IGSF21: variants seen among roughly 807,000 people sequenced by gnomAD.
IGSF21 encodes immunoglobin superfamily member 21.
IGSF21 carries 28 observed loss-of-function variants against 46.8 expected under a neutral mutation model. The ratio of observed to expected loss-of-function variants is 0.60; its 90% CI spans 0.44 to 0.82. IGSF21 has a LOEUF of 0.82. Ranked by LOEUF, IGSF21 falls within the 40% of genes least tolerant of loss-of-function variation. IGSF21 has a pLI of 0.00. For missense variants in IGSF21, 624 were observed against 665.5 expected, an observed-to-expected ratio of 0.94 and a Z score of 0.69; for synonymous variants, 284 against 273.6, an observed-to-expected ratio of 1.04 and a Z score of -0.38.
At chr1:18,164,661 T>C (rs1392151691) in intron 1 of IGSF21, among the ~76,000 whole-genome samples, 1 of 152,152 alleles carries the variant, frequency 6.6e-6, no homozygotes, top group African/African-American at 2.4e-5. Flanking sequence ...GGGCAATTTG[T>C]ATTTCTTTCT....
chr1:18,149,564 C>T (rs945226269), intron 1 of IGSF21, among the ~76,000 whole-genome samples: 19 of 151,716 alleles, frequency 1.3e-4, no homozygotes, highest in Admixed American at 1.1e-3. Context: ...TCCCCAGTAC[C>T]GCTCAGCTAA....
chr1:18,321,257 T>C (rs2124594236), intron 3 of IGSF21, among the ~76,000 whole-genome samples: 1 of 152,344 alleles, frequency 6.6e-6, no homozygotes, highest in East Asian at 1.9e-4. Flanking sequence ...TCCATGTTGC[T>C]GTAGAGCCAC....
At chr1:18,247,631 C>T (rs2084798091) in intron 2 of IGSF21, among the ~76,000 whole-genome samples, 1 of 152,112 alleles carries the variant, frequency 6.6e-6, no homozygotes, top group African/African-American at 2.4e-5. Flanking sequence ...TGGGGTATCG[C>T]AGGGAGAAAA....
At position 18,261,646 on chromosome 1, in the gene IGSF21, G is replaced by T. The variant is rs2084947816; in HGVS notation, c.184-30220G>T. Among the ~76,000 whole-genome samples, 3 of 152,350 alleles carry T rather than the reference G, an allele frequency of 2.0e-5. No individual in the cohort carries two copies. The South Asian group carries it at 6.2e-4, about 32-fold the overall frequency. On this transcript the variant is annotated intron_variant, in intron 2 of 9. Coordinates refer to ENST00000251296, the MANE Select transcript of IGSF21 (RefSeq NM_032880.5). ...CTGCCTGTGGGGTAGCCCTGCCTGT[G>T]AGGTCTTAGGTCTTGGCCCTCTGGG...
At chr1:18,224,129 G>T (rs143990543) in intron 1 of IGSF21, among the ~76,000 whole-genome samples, 1 of 152,156 alleles carries the variant, frequency 6.6e-6, no homozygotes, top group Non-Finnish European at 1.5e-5. Context: ...GCAATGAGAC[G>T]GTGTCCTTTA....
chr1:18,119,450 G>T (rs1476058555), intron 1 of IGSF21, among the ~76,000 whole-genome samples: 2 of 152,240 alleles, frequency 1.3e-5, no homozygotes, highest in South Asian at 4.1e-4. Flanking sequence ...TTGGCGGCTA[G>T]TGATGACGGT....
chr1:18,201,785 G>A (rs2087078162), intron 1 of IGSF21, among the ~76,000 whole-genome samples: 1 of 152,188 alleles, frequency 6.6e-6, no homozygotes, highest in African/African-American at 2.4e-5. Context: ...TTATAGCCAA[G>A]TCTGAGCTGT....
intron 1 of IGSF21, among the ~76,000 whole-genome samples, chr1:18,198,905 C>T (rs780432934): frequency 1.3e-5 from 2 of 152,100 alleles, no homozygotes; most frequent in Non-Finnish European, 2.9e-5. Flanking sequence ...CTCTCCCCTG[C>T]CCCCTCTGCC....
intron 7 of IGSF21, 33 bp downstream of exon 7, chr1:18,376,428 TGGGAGGTGGTAGA>T: frequency 6.6e-7 from 1 of 1,525,676 alleles, no homozygotes; most frequent in Non-Finnish European, 9.1e-7. Context: ...GGGAGGGTGG[TGGGAGGTGGTAGA>T]GGCACCGACC....
rs1349736119 is a variant in IGSF21, at chr1:18,299,550, A to T, written c.305+7563A>T. Among the ~76,000 whole-genome samples, 4 of 152,206 alleles carry T rather than the reference A, an allele frequency of 2.6e-5. No homozygotes were observed. In the East Asian group the frequency reaches 7.7e-4, roughly 29 times the overall value. On this transcript the variant is annotated intron_variant, in intron 3 of 9. Transcript: ENST00000251296. ...ATACCTAACAGGTGCTGCTTGCCAC[A>T]TGAAGTGGTCATTCATTTATTGATT... is the stretch of plus-strand genomic sequence containing the variant.
At chr1:18,287,231 A>G (rs2124561456) in intron 2 of IGSF21, among the ~76,000 whole-genome samples, 1 of 149,530 alleles carries the variant, frequency 6.7e-6, no homozygotes, top group East Asian at 2.0e-4. Flanking sequence ...AAAAATAAAA[A>G]TAAAAATACA....
At chr1:18,237,308 A>G (rs2084682115) in intron 2 of IGSF21, among the ~76,000 whole-genome samples, 1 of 152,170 alleles carries the variant, frequency 6.6e-6, no homozygotes, top group Admixed American at 6.5e-5. Flanking sequence ...CTTCCTAGGC[A>G]CTGTACACAG....
At chr1:18,277,338 C>T (rs2085111990) in intron 2 of IGSF21, among the ~76,000 whole-genome samples, 2 of 152,192 alleles carry the variant, frequency 1.3e-5, no homozygotes, top group Admixed American at 6.5e-5. Context: ...AGGCACGGAG[C>T]ACTTGGTCCT....
intron 1 of IGSF21, among the ~76,000 whole-genome samples, chr1:18,169,980 T>C (rs1304535739): frequency 6.6e-6 from 1 of 152,092 alleles, no homozygotes; most frequent in Non-Finnish European, 1.5e-5. Context: ...CAACAAGGTA[T>C]GGCAGGTGGC....
intron 3 of IGSF21, among the ~76,000 whole-genome samples, chr1:18,310,928 T>C (rs1423565012): frequency 6.6e-6 from 1 of 152,186 alleles, no homozygotes; most frequent in Non-Finnish European, 1.5e-5. Context: ...TCTGTCTCTC[T>C]GTCCAGATTT....
rs116741914 is a variant in IGSF21 at position 18,186,648 on chromosome 1, C to T, written c.71-41250C>T. Among the ~76,000 whole-genome samples, 881 of 152,280 alleles carry T rather than the reference C, an allele frequency of 5.8e-3. 13 individuals are homozygous for T. The highest frequency in any genetic ancestry group is 0.02 in the African/African-American group (820 of 41,534). ...AGTATTTAAAAAACACTCATCTGATCGTCCCCCAATTCTTTGTTGGCTTCC... is the reference window on the plus strand; with the variant it reads ...AGTATTTAAAAAACACTCATCTGATTGTCCCCCAATTCTTTGTTGGCTTCC... On this transcript the variant is annotated intron_variant, in intron 1 of 9. Coordinates refer to ENST00000251296, the MANE Select transcript of IGSF21 (RefSeq NM_032880.5).
At chr1:18,169,571 C>T (rs535832470) in intron 1 of IGSF21, among the ~76,000 whole-genome samples, 1 of 152,200 alleles carries the variant, frequency 6.6e-6, no homozygotes, top group Non-Finnish European at 1.5e-5. Context: ...GTGAGGATGG[C>T]GGCACAGGTG....
At chr1:18,149,090 C>A (rs1040067887) in intron 1 of IGSF21, among the ~76,000 whole-genome samples, 1 of 152,188 alleles carries the variant, frequency 6.6e-6, no homozygotes, top group Admixed American at 6.5e-5. Flanking sequence ...CTGCATGCTC[C>A]GTAGTACTCC....
chr1:18,273,645 T>C (rs1224028790), intron 2 of IGSF21, among the ~76,000 whole-genome samples: 1 of 151,444 alleles, frequency 6.6e-6, no homozygotes, highest in Non-Finnish European at 1.5e-5. Flanking sequence ...GTTGCTGTAA[T>C]AACACCAAGG....
Sources: gnomAD v4.1 joint callset for allele counts (sites outside exome capture counted in the v4.1 genomes callset) on GRCh38, gnomAD v4.1.1 for gene constraint, MANE v1.5 for transcripts, NCBI Gene and HGNC (gene_info 2026-07-23, HGNC 2026-07-21) for gene names.